The following WWOX variants were observed in gnomAD, a reference collection of about 807,000 sequenced individuals.
WWOX encodes WW domain containing oxidoreductase, also known as WW domain-containing oxidoreductase.
A neutral mutation model predicts 46.2 loss-of-function variants in WWOX; 69 were observed. The observed-to-expected ratio is 1.49, with a 90% CI of 1.23 to 1.82. The LOEUF is 1.82. WWOX is among the 40% of genes most tolerant of loss of function. The probability of loss-of-function intolerance (pLI) is 0.00; values close to 1 mark genes in which losing one functional copy is unlikely to be tolerated. For synonymous variants in WWOX, 359 were observed against 202.6 expected (o/e 1.77, Z -6.56); for missense variants, 919 against 542.6 (o/e 1.69, Z -6.89).
intron 8 of WWOX, among the ~76,000 whole-genome samples, chr16:78,453,869 GT>G (rs1435101551): frequency 6.6e-6 from 1 of 151,960 alleles, no homozygotes; most frequent in African/African-American, 2.4e-5. Flanking sequence ...TCATGTATCT[GT>G]TTTCTGTACA....
At chr16:78,123,074 TCTTTTA>T (rs1278350993) in intron 4 of WWOX, among the ~76,000 whole-genome samples, 3 of 152,190 alleles carry the variant, frequency 2.0e-5, no homozygotes, top group African/African-American at 7.2e-5. Flanking sequence ...TTAAATAATG[TCTTTTA>T]CTTTTCTAAC....
chr16:78,787,594 G>A (rs1463531657), intron 8 of WWOX, among the ~76,000 whole-genome samples: 1 of 152,080 alleles, frequency 6.6e-6, no homozygotes, highest in Non-Finnish European at 1.5e-5. Context: ...TCTACTTGTT[G>A]GCTGTTACGA....
chr16:78,457,363 A>G (rs534965956), intron 8 of WWOX, among the ~76,000 whole-genome samples: 20 of 152,306 alleles, frequency 1.3e-4, no homozygotes, highest in African/African-American at 4.3e-4. Context: ...CTTCAAAGTA[A>G]TGACTAAGTA....
intron 5 of WWOX, among the ~76,000 whole-genome samples, chr16:78,385,182 C>G (rs564419191): frequency 2.9e-5 from 4 of 138,186 alleles, no homozygotes; most frequent in Non-Finnish European, 6.2e-5. Flanking sequence ...GCTTTGTTAG[C>G]AGGCATGACT....
intron 5 of WWOX, among the ~76,000 whole-genome samples, chr16:78,246,857 A>G (rs2037829962): frequency 6.6e-6 from 1 of 151,850 alleles, no homozygotes; most frequent in Non-Finnish European, 1.5e-5. Context: ...GGTATTTATT[A>G]TCTGTCCCTG....
intron 8 of WWOX, among the ~76,000 whole-genome samples, chr16:78,827,822 C>G (rs930085885): frequency 6.6e-6 from 1 of 152,104 alleles, no homozygotes; most frequent in African/African-American, 2.4e-5. Flanking sequence ...GCCTGGGCGG[C>G]AAGCAAGACA....
intron 8 of WWOX, among the ~76,000 whole-genome samples, chr16:78,463,614 T>C (rs1231711333): frequency 6.6e-6 from 1 of 152,184 alleles, no homozygotes; most frequent in African/African-American, 2.4e-5. Context: ...CACTGAAGCA[T>C]CTTACGAATC....
intron 5 of WWOX, among the ~76,000 whole-genome samples, chr16:78,240,653 G>A (rs978274603): frequency 6.6e-6 from 1 of 152,202 alleles, no homozygotes; most frequent in Non-Finnish European, 1.5e-5. Flanking sequence ...TACAGTCTCT[G>A]GAAGTCTCAG....
intron 5 of WWOX, among the ~76,000 whole-genome samples, chr16:78,235,079 C>T (rs947785808): frequency 1.3e-5 from 2 of 151,432 alleles, no homozygotes; most frequent in Admixed American, 6.6e-5. Flanking sequence ...CACACACACA[C>T]GTAATGATGT....
At chr16:79,121,632 G>C (rs2049633668) in intron 8 of WWOX, among the ~76,000 whole-genome samples, 1 of 152,168 alleles carries the variant, frequency 6.6e-6, no homozygotes, top group African/African-American at 2.4e-5. Flanking sequence ...AGACTCCATG[G>C]AGTCCAAAAG....
intron 8 of WWOX, among the ~76,000 whole-genome samples, chr16:78,474,888 C>G (rs928389655): frequency 2.0e-5 from 3 of 152,186 alleles, no homozygotes; most frequent in Admixed American, 6.5e-5. Flanking sequence ...TTTCAAGATA[C>G]TGCACCTAAT....
At chr16:78,375,055 C>G (rs2081787426) in intron 5 of WWOX, among the ~76,000 whole-genome samples, 1 of 152,200 alleles carries the variant, frequency 6.6e-6, no homozygotes, top group South Asian at 2.1e-4. Flanking sequence ...CCATTTTAAG[C>G]AGGAAACCTT....
chr16:79,102,146 C>T (rs1156773134), intron 8 of WWOX, among the ~76,000 whole-genome samples: 2 of 151,616 alleles, frequency 1.3e-5, no homozygotes, highest in African/African-American at 4.9e-5. Flanking sequence ...TACTGGAGTG[C>T]TTATAGTTTT....
chr16:78,693,575 G>C (rs1315638717), intron 8 of WWOX, among the ~76,000 whole-genome samples: 1 of 152,088 alleles, frequency 6.6e-6, no homozygotes, highest in East Asian at 1.9e-4. Context: ...CAGGTGGGGG[G>C]CCCTCCTCTA....
At chr16:78,904,833 A>C (rs2044920441) in intron 8 of WWOX, among the ~76,000 whole-genome samples, 1 of 152,110 alleles carries the variant, frequency 6.6e-6, no homozygotes, top group Admixed American at 6.6e-5. Context: ...ATATTTCTTA[A>C]TTAAGTGCAG....
chr16:79,168,580 A>T (rs1244522456), intron 8 of WWOX, among the ~76,000 whole-genome samples: 2 of 152,162 alleles, frequency 1.3e-5, no homozygotes, highest in African/African-American at 2.4e-5. Flanking sequence ...GGAAGGGACA[A>T]TGGGGGGCCT....
intron 5 of WWOX, among the ~76,000 whole-genome samples, chr16:78,271,853 G>A (rs968394159): frequency 1.9e-4 from 29 of 152,156 alleles, no homozygotes; most frequent in Non-Finnish European, 3.8e-4. Flanking sequence ...CAGTCACACA[G>A]CCCAAAGAGC....
chr16:78,309,269 C>T (rs371753122), intron 5 of WWOX, among the ~76,000 whole-genome samples: 1 of 152,174 alleles, frequency 6.6e-6, no homozygotes. Context: ...TTGGTAGTTT[C>T]TCTGCGTTCA....
intron 8 of WWOX, among the ~76,000 whole-genome samples, chr16:78,602,718 T>C (rs73582804): frequency 0.014 from 2,201 of 152,354 alleles, 51 homozygotes; most frequent in African/African-American, 0.048. Flanking sequence ...ATCATTTTTC[T>C]TTAACGATCC....
Sources: allele counts gnomAD v4.1 joint callset (sites outside exome capture counted in the v4.1 genomes callset), GRCh38; gene constraint gnomAD v4.1.1; transcripts MANE v1.5; gene names NCBI Gene and HGNC (gene_info 2026-07-23, HGNC 2026-07-21).